Variants in INSL6 observed in about 807,000 individuals in gnomAD.
INSL6 encodes insulin like 6, also known as insulin-like peptide INSL6.
INSL6 carries 16 observed loss-of-function variants against 9.4 expected under a neutral mutation model. The observed-to-expected ratio is 1.70, with a 90% confidence interval of 1.15 to 2.59. INSL6 has a LOEUF of 2.59. Among genes scored for constraint, INSL6 ranks in the 30% most tolerant of loss-of-function variants. The pLI is 0.00. For synonymous variants in INSL6, 154 were observed against 96.9 expected (o/e 1.59, Z -3.46); for missense variants, 391 against 257.3 (o/e 1.52, Z -3.56).
At chr9:5,077,511 T>A in the INSL6 span, 2 of 1,452,894 alleles carry the variant, frequency 1.4e-6, no homozygotes, top group Non-Finnish European at 1.8e-6. Flanking sequence ...TGAAAAAGAA[T>A]AAAAATTGTA....
chr9:5,176,943 A>T (rs1465905215), intron 1 of INSL6, among the ~76,000 whole-genome samples: 1 of 152,232 alleles, frequency 6.6e-6, no homozygotes, highest in Non-Finnish European at 1.5e-5. Flanking sequence ...AAAAAAAAGT[A>T]TTAAGCATGA....
At chr9:5,182,459 CTTATG>C (rs1825478387) in intron 1 of INSL6, among the ~76,000 whole-genome samples, 1 of 151,942 alleles carries the variant, frequency 6.6e-6, no homozygotes, top group South Asian at 2.1e-4. Context: ...TTATAATTTA[CTTATG>C]TTAATTGTCT....
At chr9:5,027,096 T>C in the INSL6 span, among the ~76,000 whole-genome samples, 1 of 152,192 alleles carries the variant, frequency 6.6e-6, no homozygotes, top group Non-Finnish European at 1.5e-5. Context: ...TCAGGGAAAC[T>C]TGAAAATTTG....
chr9:5,182,301 TA>T (rs58848917), intron 1 of INSL6, among the ~76,000 whole-genome samples: 57,554 of 151,840 alleles, frequency 0.38, 12,360 homozygotes, highest in African/African-American at 0.6. Flanking sequence ...AGATATATCT[TA>T]AAACATATGA....
chr9:5,092,304 C>G, the INSL6 span, among the ~76,000 whole-genome samples: 1 of 152,034 alleles, frequency 6.6e-6, no homozygotes, highest in Non-Finnish European at 1.5e-5. Context: ...GCCTGTCACC[C>G]TCCGCAAATA....
chr9:5,143,494 T>G (rs1344581873), intron 2 of INSL6, among the ~76,000 whole-genome samples: 1 of 152,128 alleles, frequency 6.6e-6, no homozygotes, highest in African/African-American at 2.4e-5. Context: ...CATAATATTA[T>G]CTGATGGTTG....
the INSL6 span, among the ~76,000 whole-genome samples, chr9:5,102,436 G>A: frequency 1.1e-4 from 17 of 152,258 alleles, no homozygotes; most frequent in South Asian, 2.1e-4. Flanking sequence ...TGAAAGTGAC[G>A]GGGAGAATGG....
the INSL6 span, among the ~76,000 whole-genome samples, chr9:5,032,432 A>T: frequency 1.3e-5 from 2 of 152,206 alleles, no homozygotes; most frequent in Non-Finnish European, 2.9e-5. Flanking sequence ...AGATCTGAGA[A>T]CGGACAGACT....
chr9:5,112,473 G>T, the INSL6 span: 1 of 549,718 alleles, frequency 1.8e-6, no homozygotes. Context: ...CCCGGGACCG[G>T]ACCAGCCCAG....
chr9:5,153,207 GA>G (rs1422135190), intron 2 of INSL6, among the ~76,000 whole-genome samples: 14 of 151,908 alleles, frequency 9.2e-5, no homozygotes, highest in African/African-American at 3.4e-4. Context: ...TCACTCCCCT[GA>G]AAAGGGGGCT....
chr9:5,070,158 T>C, the INSL6 span: 1 of 690,752 alleles, frequency 1.4e-6, no homozygotes, highest in Non-Finnish European at 2.1e-6. Flanking sequence ...TATATACAAA[T>C]TTAGTTGTGA....
At chr9:5,081,773 G>A in the INSL6 span, 2 of 1,604,316 alleles carry the variant, frequency 1.2e-6, no homozygotes, top group Non-Finnish European at 1.7e-6. Context: ...ATGAGGATAG[G>A]TGCCCTGGGG....
the INSL6 span, among the ~76,000 whole-genome samples, chr9:5,040,642 G>T: frequency 6.6e-6 from 1 of 152,258 alleles, no homozygotes; most frequent in African/African-American, 2.4e-5. Context: ...AATTTAAAAA[G>T]TAGGCAAGGG....
At chr9:5,063,684 G>A in the INSL6 span, among the ~76,000 whole-genome samples, 2 of 152,114 alleles carry the variant, frequency 1.3e-5, no homozygotes, top group African/African-American at 2.4e-5. Flanking sequence ...TAAATAAAAA[G>A]TTGCATAAGA....
At chr9:5,112,226 G>A in the INSL6 span, 4 of 269,714 alleles carry the variant, frequency 1.5e-5, no homozygotes, top group Middle Eastern at 1.4e-3. Flanking sequence ...GGGGCAGCAC[G>A]CAGGCCTGGT....
chr9:5,170,578 TAATAA>T, intron 1 of INSL6, among the ~76,000 whole-genome samples: 1 of 141,626 alleles, frequency 7.1e-6, no homozygotes, highest in Non-Finnish European at 1.5e-5. Flanking sequence ...TTGGAAAAAC[TAATAA>T]AATAGACCAC....
chr9:5,177,373 C>G (rs1825334039), intron 1 of INSL6, among the ~76,000 whole-genome samples: 1 of 152,160 alleles, frequency 6.6e-6, no homozygotes, highest in Non-Finnish European at 1.5e-5. Flanking sequence ...TCTCTGAAAC[C>G]CAGATCAGGA....
intron 2 of INSL6, among the ~76,000 whole-genome samples, chr9:5,156,534 C>A (rs1484793567): frequency 6.6e-6 from 1 of 152,054 alleles, no homozygotes; most frequent in African/African-American, 2.4e-5. Flanking sequence ...TCAACACCTA[C>A]TCATGATTAA....
chr9:5,009,465 T>G, the INSL6 span, among the ~76,000 whole-genome samples: 1 of 152,144 alleles, frequency 6.6e-6, no homozygotes, highest in Non-Finnish European at 1.5e-5. Context: ...TAAACTTTAT[T>G]TATTCTCTGC....
Sources: gnomAD v4.1 joint callset for allele counts (sites outside exome capture counted in the v4.1 genomes callset) on GRCh38, gnomAD v4.1.1 for gene constraint, MANE v1.5 for transcripts, NCBI Gene and HGNC (gene_info 2026-07-23, HGNC 2026-07-21) for gene names.